Variants in SDK1 observed in about 807,000 individuals in gnomAD.
SDK1 encodes protein sidekick-1.
Under a neutral mutation model 245.5 loss-of-function variants are expected in SDK1, and 157 were observed. That is an observed-to-expected ratio of 0.64 (90% CI 0.56 to 0.73). The LOEUF is 0.73. SDK1 is among the 30% of genes least tolerant of loss of function. SDK1 has a pLI of 0.00. For missense variants in SDK1, 3,583 were observed against 3,002.3 expected, an observed-to-expected ratio of 1.19 and a Z score of -4.52; for synonymous variants, 1,647 against 1,278.5, an observed-to-expected ratio of 1.29 and a Z score of -6.15.
chr7:4,007,765 G>A (rs903005616), intron 14 of SDK1, among the ~76,000 whole-genome samples: 9 of 150,486 alleles, frequency 6.0e-5, no homozygotes, highest in Non-Finnish European at 1.3e-4. Flanking sequence ...CACCACGCCC[G>A]GCTAATTTTT....
intron 13 of SDK1, among the ~76,000 whole-genome samples, chr7:3,975,993 G>A (rs1782926407): frequency 8.8e-5 from 3 of 34,144 alleles, no homozygotes; most frequent in Admixed American, 3.0e-4. Context: ...AGGGTCCCGG[G>A]GCTGAGGCTG....
At chr7:3,306,488 T>C (rs1458512032) in intron 1 of SDK1, among the ~76,000 whole-genome samples, 8 of 152,176 alleles carry the variant, frequency 5.3e-5, no homozygotes, top group Non-Finnish European at 1.2e-4. Flanking sequence ...TTGAGTCCTT[T>C]AACTAAAGGA....
chr7:3,503,130 C>G (rs565835715), intron 1 of SDK1, among the ~76,000 whole-genome samples: 1 of 152,190 alleles, frequency 6.6e-6, no homozygotes, highest in Non-Finnish European at 1.5e-5. Context: ...TCTTGTCCTC[C>G]TCTGCAAATG....
intron 22 of SDK1, among the ~76,000 whole-genome samples, chr7:4,080,607 C>T (rs1440893256): frequency 6.6e-6 from 1 of 152,168 alleles, no homozygotes; most frequent in Non-Finnish European, 1.5e-5. Flanking sequence ...CGCAAACCAT[C>T]TGGATGGGAC....
rs750167327 is a variant in SDK1, at chr7:4,114,357, G to C, written c.3823+83G>C. 2.7e-6 allele frequency: 3 copies of C among 1,113,580 alleles called. No homozygotes were observed. In the Admixed American group the frequency reaches 6.5e-5, roughly 24 times the overall value. 69.0% of individuals were successfully genotyped at this position (1,113,580 alleles called of 1,614,324 possible). A position where few individuals can be genotyped will look rare whatever the true frequency, so the allele number is the denominator to read the frequency against. On this transcript the variant is annotated intron_variant, in intron 25 of 44. Transcript: ENST00000404826. ...CCCTGAGCCTCCAGATCCCAGGCTA[G>C]TGGCGTCTCATTGGCCTGTCCCACT...
intron 8 of SDK1, among the ~76,000 whole-genome samples, chr7:3,961,642 C>G (rs1424399757): frequency 1.3e-5 from 2 of 152,166 alleles, no homozygotes; most frequent in Non-Finnish European, 2.9e-5. Context: ...AACAAGGTTA[C>G]TTAACCTAAC....
Position 3,898,773 on chromosome 7 carries a change from A to T in SDK1, c.848-52150A>T, listed in dbSNP as rs187983839. On this transcript the variant is annotated intron_variant, in intron 5 of 44. Coordinates refer to ENST00000404826, the MANE Select transcript of SDK1 (RefSeq NM_152744.4). ...TGCCAAACTAAGTCTTAGTAATTAGAGCTCGTTGGGAACGTGTTTTAATAA... is the reference window on the plus strand; with the variant it reads ...TGCCAAACTAAGTCTTAGTAATTAGTGCTCGTTGGGAACGTGTTTTAATAA... 6.9e-3 allele frequency among the ~76,000 whole-genome samples: 1,044 copies of T among 152,302 alleles called. 6 individuals carry two copies. Among genetic ancestry groups the T allele is most frequent in the Non-Finnish European group, 0.012 (792 of 68,030 alleles).
At chr7:3,900,953 A>G (rs1321921066) in intron 5 of SDK1, among the ~76,000 whole-genome samples, 2 of 152,190 alleles carry the variant, frequency 1.3e-5, no homozygotes, top group Admixed American at 6.5e-5. Context: ...TGTAGCAAAA[A>G]AAAAGACCTT....
At chr7:3,518,985 G>C (rs906482273) in intron 1 of SDK1, among the ~76,000 whole-genome samples, 23 of 151,938 alleles carry the variant, frequency 1.5e-4, no homozygotes, top group Non-Finnish European at 3.2e-4. Flanking sequence ...AGGAAGTCCT[G>C]TCATTTGAGA....
In SDK1 at chr7:4,067,891, A is replaced by G; in HGVS notation, c.2965A>G (p.Lys989Glu). Residue 989 changes from lysine (K) to glutamate (E), a missense_variant, in exon 20 of 45, where the codon AAG becomes GAG. Physicochemically the swap from Lys to Glu is moderately conservative, Grantham distance 56. Transcript: ENST00000404826. ...SFTEILDTSL[K>E]VSWQEPLEKN... Reference sequence around the variant, plus strand: ...CACAGAGATCTTGGACACATCTCTCAAGGTCAGCTGGCAGGAGCCCCTGGA... The same window carrying G: ...CACAGAGATCTTGGACACATCTCTCGAGGTCAGCTGGCAGGAGCCCCTGGA... The G allele has an allele frequency of 1.2e-6, 2 of 1,613,472 alleles. No individual in the cohort carries two copies. Among genetic ancestry groups the G allele is most frequent in the Non-Finnish European group, 1.7e-6 (2 of 1,179,808 alleles).
intron 38 of SDK1, among the ~76,000 whole-genome samples, chr7:4,215,031 C>T (rs777509442): frequency 6.6e-6 from 1 of 152,242 alleles, no homozygotes; most frequent in Non-Finnish European, 1.5e-5. Flanking sequence ...GAAGGCCCTC[C>T]TCACCACAAA....
intron 14 of SDK1, among the ~76,000 whole-genome samples, chr7:4,006,202 T>C (rs992532854): frequency 6.6e-6 from 1 of 152,244 alleles, no homozygotes; most frequent in Non-Finnish European, 1.5e-5. Flanking sequence ...AACCACCAGC[T>C]TTTTCAACCA....
At chr7:3,613,314 A>G (rs1005236058) in intron 1 of SDK1, among the ~76,000 whole-genome samples, 9 of 152,214 alleles carry the variant, frequency 5.9e-5, no homozygotes, top group Admixed American at 5.2e-4. Context: ...CTAGATGAGC[A>G]GAAGATTATT....
At chr7:4,032,830 G>A (rs1787926613) in intron 17 of SDK1, among the ~76,000 whole-genome samples, 1 of 152,222 alleles carries the variant, frequency 6.6e-6, no homozygotes, top group South Asian at 2.1e-4. Context: ...TAGAGAAGGT[G>A]TAAACAAACG....
At chr7:3,508,557 A>T (rs1782471679) in intron 1 of SDK1, among the ~76,000 whole-genome samples, 2 of 151,870 alleles carry the variant, frequency 1.3e-5, no homozygotes, top group Admixed American at 1.3e-4. Flanking sequence ...CGAACTCCTG[A>T]CCTCAAATGA....
At position 4,139,737 on chromosome 7, in the gene SDK1, A is replaced by G. The variant is rs866676561; in HGVS notation, c.4229-5985A>G. Among the ~76,000 whole-genome samples the G allele has an allele frequency of 4.6e-3, 287 of 62,970 alleles. 3 individuals are homozygous for G. Among genetic ancestry groups the G allele is most frequent in the East Asian group, 9.1e-3 (13 of 1,424 alleles). The allele number at this position is 62,970 out of a possible 152,430, so 41.3% of individuals were successfully genotyped here. A position where few individuals can be genotyped will look rare whatever the true frequency, so the allele number is the denominator to read the frequency against. ...TGTGTGTGTATGTGTGTGTGTGTGT[A>G]TGTGTGTGTGTGTGTGTGTGTATAA... On this transcript the variant is annotated intron_variant, in intron 28 of 44. Coordinates refer to ENST00000404826, the MANE Select transcript of SDK1 (RefSeq NM_152744.4).
intron 5 of SDK1, among the ~76,000 whole-genome samples, chr7:3,944,204 A>G (rs983064087): frequency 6.6e-5 from 10 of 152,256 alleles, no homozygotes; most frequent in South Asian, 2.1e-4. Flanking sequence ...GCTTTTCTCT[A>G]TCACTTGAAA....
intron 4 of SDK1, among the ~76,000 whole-genome samples, chr7:3,773,615 T>G (rs529030520): frequency 1.3e-5 from 2 of 152,308 alleles, no homozygotes; most frequent in East Asian, 1.9e-4. Flanking sequence ...CTTGTGATTT[T>G]TTGTTGTTGT....
rs546123005 is a variant in SDK1 at position 3,708,045 on chromosome 7, A to G, written c.713+65940A>G. On this transcript the variant is annotated intron_variant, in intron 4 of 44. Coordinates refer to ENST00000404826, the MANE Select transcript of SDK1 (RefSeq NM_152744.4). ...GATAGCTCATGGTACTGTAGGTTGT[A>G]CAGGAAGCGTGATGCTGCTCAGCTT... 9.8e-4 allele frequency among the ~76,000 whole-genome samples: 149 copies of G among 152,292 alleles called. 1 individual carries two copies. The highest frequency in any genetic ancestry group is 1.6e-3 in the Non-Finnish European group (108 of 68,032).
Sources: allele counts gnomAD v4.1 joint callset (sites outside exome capture counted in the v4.1 genomes callset), GRCh38; gene constraint gnomAD v4.1.1; transcripts MANE v1.5; gene names NCBI Gene and HGNC (gene_info 2026-07-23, HGNC 2026-07-21).